ZNF474: variants seen among roughly 807,000 people sequenced by gnomAD.
ZNF474 encodes the protein 4933409D10Rik.
For synonymous variants in ZNF474, 192 were observed against 162.2 expected, an observed-to-expected ratio of 1.18 and a Z score of -1.39; for missense variants, 511 against 433.8, an observed-to-expected ratio of 1.18 and a Z score of -1.58.
intron 1 of ZNF474, among the ~76,000 whole-genome samples, chr5:122,138,155 G>C (rs1206828783): frequency 2.0e-5 from 3 of 152,196 alleles, no homozygotes; most frequent in African/African-American, 7.2e-5. Flanking sequence ...AAAATACTAA[G>C]ATGAGAAGGG....
chr5:122,146,138 CT>C (rs1264435014), intron 1 of ZNF474, among the ~76,000 whole-genome samples: 1 of 152,232 alleles, frequency 6.6e-6, no homozygotes, highest in Non-Finnish European at 1.5e-5. Context: ...CTCCCCACTT[CT>C]TGCATTCTCC....
intron 1 of ZNF474, chr5:122,148,106 T>A (rs1756038411): frequency 2.0e-5 from 3 of 152,262 alleles, no homozygotes. Context: ...GTGATTTAAG[T>A]ATATGCATTT....
At chr5:122,133,016 C>T (rs1360648528) in intron 1 of ZNF474, among the ~76,000 whole-genome samples, 1 of 152,042 alleles carries the variant, frequency 6.6e-6, no homozygotes, top group Non-Finnish European at 1.5e-5. Context: ...TGCATGTTGC[C>T]CAAATGTTTC....
At chr5:122,142,198 A>G (rs933730966) in intron 1 of ZNF474, among the ~76,000 whole-genome samples, 1 of 152,200 alleles carries the variant, frequency 6.6e-6, no homozygotes, top group African/African-American at 2.4e-5. Context: ...GCTCAGATAG[A>G]TAGTGGAAAT....
chr5:122,133,211 C>T (rs1755619734), intron 1 of ZNF474, among the ~76,000 whole-genome samples: 1 of 152,188 alleles, frequency 6.6e-6, no homozygotes. Flanking sequence ...TGGGCATCTA[C>T]TATATTCCAG....
intron 1 of ZNF474, among the ~76,000 whole-genome samples, chr5:122,149,776 A>G (rs1213355847): frequency 6.6e-6 from 1 of 152,184 alleles, no homozygotes; most frequent in Non-Finnish European, 1.5e-5. Context: ...TATAATTGGC[A>G]TTCAGTAAAT....
At position 122,152,628 on chromosome 5, in the gene ZNF474, G is replaced by A. The variant is rs1284365311; in HGVS notation, c.638G>A (p.Ser213Asn). Residue 213 changes from serine (S) to asparagine (N), a missense_variant, in exon 2 of 2, where the codon AGT (serine) becomes AAT (asparagine). Ser to Asn is a conservative substitution (Grantham distance 46). Coordinates refer to ENST00000296600, the MANE Select transcript of ZNF474 (RefSeq NM_207317.3). ...CTTACTGGCCTCAAGAAAGCTTGTA[G>A]TGGAACCCCAGCCCGACCAAGGACT... ...DHLTGLKKAC[S>N]GTPARPRTVI... 6.2e-7 allele frequency: 1 copy of A among 1,614,206 alleles called. No individual in the cohort carries two copies. The highest frequency in any genetic ancestry group is 1.7e-5 in the Admixed American group (1 of 60,024).
chr5:122,134,195 T>C (rs1755643405), intron 1 of ZNF474, among the ~76,000 whole-genome samples: 1 of 152,150 alleles, frequency 6.6e-6, no homozygotes, highest in Non-Finnish European at 1.5e-5. Flanking sequence ...GAATACACTA[T>C]GTTGGGAGCA....
chr5:122,145,462 A>G (rs995551147), intron 1 of ZNF474, among the ~76,000 whole-genome samples: 1 of 152,138 alleles, frequency 6.6e-6, no homozygotes, highest in Admixed American at 6.5e-5. Context: ...AGCTGCCCTC[A>G]ACACTCCTGG....
rs867232215 is a variant in ZNF474, at chr5:122,153,181, G to A, written c.*96G>A. The A allele has an allele frequency of 3.4e-6, 5 of 1,485,390 alleles. No individual in the cohort carries two copies. In the Middle Eastern group the frequency reaches 7.3e-4, roughly 216 times the overall value. The allele number at this position is 1,485,390 out of a possible 1,614,324, so 92.0% of individuals were successfully genotyped here. On this transcript the variant is annotated 3_prime_UTR_variant, in exon 2 of 2. Coordinates refer to ENST00000296600, the MANE Select transcript of ZNF474 (RefSeq NM_207317.3). ...ATCAGCCTCAAAGCAGCCTGTTCAA[G>A]TTAACTCCCTGTTGAACTCCAGGGC...
chr5:122,153,007 A>G lies in ZNF474; in HGVS notation c.1017A>G (p.Ala339=), dbSNP rs1756239732. The G allele has an allele frequency of 1.9e-6, 3 of 1,614,074 alleles. No homozygotes were observed. Among genetic ancestry groups the G allele is most frequent in the South Asian group, 1.1e-5 (1 of 91,090 alleles). ...ATTCCAAGCAGCAAAGGAACAGGGCAGCACCCAGTGTAACTGATAAGGTAA... is the reference window on the plus strand; with the variant it reads ...ATTCCAAGCAGCAAAGGAACAGGGCGGCACCCAGTGTAACTGATAAGGTAA... ...YTNSKQQRNR[A]APSVTDKVIH... Residue 339 remains alanine (A), a synonymous_variant, in exon 2 of 2, where the codon GCA becomes GCG. Transcript: ENST00000296600.
At chr5:122,144,242 A>G (rs1755927609) in intron 1 of ZNF474, among the ~76,000 whole-genome samples, 1 of 152,214 alleles carries the variant, frequency 6.6e-6, no homozygotes, top group Non-Finnish European at 1.5e-5. Flanking sequence ...TATAACAATT[A>G]TATCCTAGAA....
At position 122,152,255 on chromosome 5, in the gene ZNF474, G is replaced by T. The variant is rs758655525; in HGVS notation, c.265G>T (p.Ala89Ser). Residue 89 changes from alanine to serine, a missense_variant, in exon 2 of 2, where the codon GCC becomes TCC. Ala to Ser is a moderately conservative substitution (Grantham distance 99). Coordinates refer to ENST00000296600, the MANE Select transcript of ZNF474 (RefSeq NM_207317.3). Reference sequence around the variant, plus strand: ...CCAGCTTAGCCCCCCTGTGATCCCGGCCCGCAGGCCTGGATTCCGGGTATG... The same window carrying T: ...CCAGCTTAGCCCCCCTGTGATCCCGTCCCGCAGGCCTGGATTCCGGGTATG... ...ESQLSPPVIP[A>S]RRPGFRVCYI... 1.2e-6 allele frequency: 2 copies of T among 1,614,080 alleles called. No individual in the cohort carries two copies. Among genetic ancestry groups the T allele is most frequent in the East Asian group, 4.5e-5 (2 of 44,886 alleles).
chr5:122,144,212 A>G (rs1480477442), intron 1 of ZNF474, among the ~76,000 whole-genome samples: 1 of 152,214 alleles, frequency 6.6e-6, no homozygotes, highest in Non-Finnish European at 1.5e-5. Context: ...CTAAATATTT[A>G]CTAATAAATA....
intron 1 of ZNF474, chr5:122,147,742 A>T (rs945605488): frequency 1.3e-5 from 2 of 152,198 alleles, no homozygotes; most frequent in African/African-American, 4.8e-5. Flanking sequence ...AAAAGATATG[A>T]TCACACTTTT....
At chr5:122,143,930 G>A (rs1755917958) in intron 1 of ZNF474, among the ~76,000 whole-genome samples, 1 of 152,134 alleles carries the variant, frequency 6.6e-6, no homozygotes, top group Admixed American at 6.5e-5. Context: ...AAGTTTAGGT[G>A]ATCCACAAAA....
intron 1 of ZNF474, among the ~76,000 whole-genome samples, chr5:122,130,243 CA>C (rs1755545707): frequency 6.6e-6 from 1 of 151,980 alleles, no homozygotes; most frequent in Admixed American, 6.6e-5. Context: ...TTTCTAAAAT[CA>C]ATGAGTTTAA....
rs144735279 is a variant in ZNF474, at chr5:122,152,272, C to T, written c.282C>T (p.Phe94=). ...TGATCCCGGCCCGCAGGCCTGGATTCCGGGTATGCTATATCTGTGGCCGAG... is the reference window on the plus strand; with the variant it reads ...TGATCCCGGCCCGCAGGCCTGGATTTCGGGTATGCTATATCTGTGGCCGAG... ...PPVIPARRPG[F]RVCYICGREF... Residue 94 remains phenylalanine (F), a synonymous_variant, in exon 2 of 2, where the codon TTC becomes TTT. Coordinates refer to ENST00000296600, the MANE Select transcript of ZNF474 (RefSeq NM_207317.3). 2.3e-4 allele frequency: 373 copies of T among 1,614,198 alleles called. No homozygotes were observed. In the African/African-American group the frequency reaches 4.4e-3, roughly 19 times the overall value.
At position 122,152,178 on chromosome 5, in the gene ZNF474, C is replaced by T; in HGVS notation, c.188C>T (p.Pro63Leu). 6.2e-7 allele frequency: 1 copy of T among 1,614,072 alleles called. No individual in the cohort carries two copies. Among genetic ancestry groups the T allele is most frequent in the Non-Finnish European group, 8.5e-7 (1 of 1,180,016 alleles). Residue 63 changes from proline (P) to leucine (L), a missense_variant, in exon 2 of 2, where the codon CCT (proline) becomes CTT (leucine). By Grantham distance (98) the Pro-to-Leu change is moderately conservative. Coordinates refer to ENST00000296600, the MANE Select transcript of ZNF474 (RefSeq NM_207317.3). ...AAGACAGACACTCAGAAAAAGAGACCTGGGACTGTGATACTATCAAAACTG... is the reference window on the plus strand; with the variant it reads ...AAGACAGACACTCAGAAAAAGAGACTTGGGACTGTGATACTATCAAAACTG... ...NIKTDTQKKR[P>L]GTVILSKLSS...
Sources: allele counts gnomAD v4.1 joint callset (sites outside exome capture counted in the v4.1 genomes callset), GRCh38; gene constraint gnomAD v4.1.1; transcripts MANE v1.5; gene names NCBI Gene and HGNC (gene_info 2026-07-23, HGNC 2026-07-21).